Variants in LARP4B observed in about 807,000 individuals in gnomAD.
LARP4B encodes the protein La ribonucleoprotein 4B, also known as la-related protein 4B.
Under a neutral mutation model 89.8 loss-of-function variants are expected in LARP4B, and 12 were observed. The ratio of observed to expected loss-of-function variants is 0.13; its 90% CI spans 0.09 to 0.22. LARP4B has a LOEUF of 0.22. Among genes scored for constraint, LARP4B ranks in the 10% least tolerant of loss-of-function variants. The pLI, the probability that LARP4B is intolerant of heterozygous loss-of-function variation, is 1.00. For missense variants in LARP4B, 757 were observed against 947.7 expected, an observed-to-expected ratio of 0.80 and a Z score of 2.64; for synonymous variants, 367 against 363.3, an observed-to-expected ratio of 1.01 and a Z score of -0.12.
chr10:822,362 A>G lies in LARP4B; in HGVS notation c.1485-1517T>C, dbSNP rs919506076. Among the ~76,000 whole-genome samples the G allele has an allele frequency of 6.6e-6, 1 of 152,194 alleles. No homozygotes were observed. Among genetic ancestry groups the G allele is most frequent in the African/African-American group, 2.4e-5 (1 of 41,446 alleles). On this transcript the variant is annotated intron_variant, in intron 13 of 17. Coordinates refer to ENST00000316157, the MANE Select transcript of LARP4B (RefSeq NM_015155.3). The surrounding 1 kb of genome is among the most constrained non-coding windows in gnomAD (Gnocchi z 4.6). The stretch of plus-strand genomic sequence containing the variant: ...CATCCCGCAGGGCTCGGCACAGGGC[A>G]TCCCTCCGCCAAGGGCAGCCTGCTC...
At chr10:964,718 G>A in the LARP4B span, among the ~76,000 whole-genome samples, 2 of 152,154 alleles carry the variant, frequency 1.3e-5, no homozygotes, top group Non-Finnish European at 2.9e-5. Context: ...TGTTGGCCCC[G>A]CTAACTAATG....
At chr10:884,689 A>T (rs1382577245) in intron 2 of LARP4B, among the ~76,000 whole-genome samples, 183 bp from the exon 3 acceptor site, 2 of 152,352 alleles carry the variant, frequency 1.3e-5, no homozygotes, top group East Asian at 3.9e-4. Flanking sequence ...CTGAATGAAC[A>T]TCATAGATAA....
At chr10:847,908 G>C (rs1327891305) in intron 5 of LARP4B, among the ~76,000 whole-genome samples, 1 of 152,210 alleles carries the variant, frequency 6.6e-6, no homozygotes, top group African/African-American at 2.4e-5. Context: ...CAGGGAGTGG[G>C]AAGTCAGGTG....
chr10:978,389 C>T, the LARP4B span, among the ~76,000 whole-genome samples: 1 of 152,172 alleles, frequency 6.6e-6, no homozygotes, highest in Non-Finnish European at 1.5e-5. Flanking sequence ...ATGAATTAAA[C>T]ATTTATTGTA....
At chr10:934,406 G>C (rs1830721338), upstream of LARP4B, among the ~76,000 whole-genome samples, 1 of 152,056 alleles carries the variant, frequency 6.6e-6, no homozygotes, top group Non-Finnish European at 1.5e-5. Flanking sequence ...GCTGAGGTGG[G>C]AGGATCGCTT....
At chr10:826,968 G>C (rs930493177) in intron 11 of LARP4B, among the ~76,000 whole-genome samples, 1 of 152,094 alleles carries the variant, frequency 6.6e-6, no homozygotes, top group Non-Finnish European at 1.5e-5. Context: ...TGTAAGAATC[G>C]GACTTTTTAA....
chr10:907,079 T>C (rs1021624243), intron 1 of LARP4B, among the ~76,000 whole-genome samples: 43 of 152,228 alleles, frequency 2.8e-4, no homozygotes, highest in African/African-American at 1.0e-3. Context: ...TTGGTTATTC[T>C]ATGTACTCCT....
In LARP4B at chr10:863,764, G is replaced by C. The variant is rs780986495; in HGVS notation, c.409C>G (p.Leu137Val). The C allele has an allele frequency of 1.9e-5, 31 of 1,610,412 alleles. No homozygotes were observed. In the Middle Eastern group the frequency reaches 5.0e-4, roughly 26 times the overall value. The change falls in exon 5 of 18, where the codon CTG becomes GTG. Residue 137 changes from leucine to valine, a missense_variant. Transcript: ENST00000316157. ...LALGPSEYDSLPENSETGGNE... is the reference protein window; with the variant it reads ...LALGPSEYDSVPENSETGGNE... ...TTACCTGTCTCGCTATTTTCAGGCA[G>C]AGAGTCATATTCTGAGGGACCCAGA... is the stretch of plus-strand genomic sequence containing the variant.
chr10:897,730 G>C (rs1836227832), intron 1 of LARP4B, among the ~76,000 whole-genome samples: 1 of 152,076 alleles, frequency 6.6e-6, no homozygotes, highest in African/African-American at 2.4e-5. Flanking sequence ...GCTCACATCT[G>C]TAATCCCAGC....
chr10:984,611 C>T, the LARP4B span, among the ~76,000 whole-genome samples: 3 of 152,200 alleles, frequency 2.0e-5, no homozygotes, highest in African/African-American at 7.2e-5. Context: ...CACAACCTGT[C>T]TGCATATGCA....
At chr10:830,348 T>A (rs552410061) in intron 9 of LARP4B, among the ~76,000 whole-genome samples, 1 of 152,336 alleles carries the variant, frequency 6.6e-6, no homozygotes, top group South Asian at 2.1e-4. Flanking sequence ...TCTTTCAGGT[T>A]TCTGTGTTTT....
intron 6 of LARP4B, 104 bp from the exon 7 acceptor site, chr10:843,172 C>CTTTGGAGTTAAA: frequency 9.9e-7 from 1 of 1,013,896 alleles, no homozygotes; most frequent in Non-Finnish European, 1.5e-6. Context: ...CATGGTATTG[C>CTTTGGAGTTAAA]TTTGGAGTTA....
the LARP4B span, among the ~76,000 whole-genome samples, chr10:957,739 G>A: frequency 6.0e-4 from 90 of 151,158 alleles, no homozygotes; most frequent in African/African-American, 2.1e-3. Flanking sequence ...TTTGAATCAC[G>A]CTTAGAGATT....
chr10:948,555 C>T, the LARP4B span, among the ~76,000 whole-genome samples: 6 of 152,246 alleles, frequency 3.9e-5, no homozygotes, highest in African/African-American at 7.2e-5. Context: ...CCTCAGTGGT[C>T]GCGTCTTGCA....
At chr10:878,923 T>C (rs1007058153) in intron 3 of LARP4B, among the ~76,000 whole-genome samples, 5 of 152,196 alleles carry the variant, frequency 3.3e-5, no homozygotes, top group Non-Finnish European at 5.9e-5. Context: ...AAATTACTAA[T>C]TTTTTTAAAG....
the LARP4B span, among the ~76,000 whole-genome samples, chr10:963,616 GA>G: frequency 1.3e-5 from 2 of 152,224 alleles, no homozygotes; most frequent in Non-Finnish European, 2.9e-5. Flanking sequence ...TAATAAAGGG[GA>G]AAAGATGCCT....
chr10:973,642 C>T, the LARP4B span, among the ~76,000 whole-genome samples: 7 of 152,142 alleles, frequency 4.6e-5, no homozygotes, highest in Non-Finnish European at 8.8e-5. Context: ...TGAGCCACTG[C>T]GCCTGGCCTG....
intron 1 of LARP4B, among the ~76,000 whole-genome samples, chr10:891,611 T>C (rs775284078): frequency 4.6e-5 from 7 of 152,218 alleles, no homozygotes; most frequent in Non-Finnish European, 8.8e-5. Flanking sequence ...AAGTTCACTA[T>C]ACTATTCTGT....
chr10:890,603 C>T (rs1007902607), intron 1 of LARP4B, among the ~76,000 whole-genome samples: 4 of 152,226 alleles, frequency 2.6e-5, no homozygotes, highest in East Asian at 3.9e-4. Flanking sequence ...ACACAGATTT[C>T]GGGAACATCT....
Sources: allele counts gnomAD v4.1 joint callset (sites outside exome capture counted in the v4.1 genomes callset), GRCh38; gene constraint gnomAD v4.1.1; non-coding constraint Gnocchi (gnomAD v3.1); transcripts MANE v1.5; gene names NCBI Gene and HGNC (gene_info 2026-07-23, HGNC 2026-07-21).